Variants in SH3GL2 observed in about 807,000 individuals in gnomAD.
SH3GL2 encodes endophilin-A1.
SH3GL2 carries 24 observed loss-of-function variants against 46.0 expected under a neutral mutation model. The observed-to-expected ratio is 0.52, with a 90% CI of 0.38 to 0.73. SH3GL2 has a LOEUF of 0.73. Among genes scored for constraint, SH3GL2 ranks in the 30% least tolerant of loss-of-function variants. The pLI is 0.00. For missense variants in SH3GL2, 413 were observed against 424.2 expected, an observed-to-expected ratio of 0.97 and a Z score of 0.23; for synonymous variants, 196 against 147.1, an observed-to-expected ratio of 1.33 and a Z score of -2.40.
intron 1 of SH3GL2, among the ~76,000 whole-genome samples, chr9:17,718,278 C>T (rs1320471756): frequency 1.3e-5 from 2 of 152,078 alleles, no homozygotes; most frequent in Admixed American, 6.5e-5. Flanking sequence ...AACTTCTTAT[C>T]GTGATTTATC....
chr9:17,604,804 C>G (rs1340985930), intron 1 of SH3GL2, among the ~76,000 whole-genome samples: 1 of 152,066 alleles, frequency 6.6e-6, no homozygotes, highest in Admixed American at 6.6e-5. Context: ...TCAGCTCTGA[C>G]CTTGGGTTAG....
At chr9:17,746,166 GCT>G (rs1563837027) in intron 1 of SH3GL2, among the ~76,000 whole-genome samples, 7,003 of 152,032 alleles carry the variant, frequency 0.046, 497 homozygotes, top group African/African-American at 0.16. Context: ...GCTCCGCCCC[GCT>G]GTGTTCACAC....
At chr9:17,704,174 AC>A (rs1228670236) in intron 1 of SH3GL2, among the ~76,000 whole-genome samples, 1 of 151,356 alleles carries the variant, frequency 6.6e-6, no homozygotes, top group Non-Finnish European at 1.5e-5. Context: ...CAAACCAAGA[AC>A]ACACTCCCAT....
chr9:17,720,225 A>T (rs1419992175), intron 1 of SH3GL2, among the ~76,000 whole-genome samples: 1 of 152,156 alleles, frequency 6.6e-6, no homozygotes, highest in Non-Finnish European at 1.5e-5. Context: ...GCATCATCTT[A>T]TGCCTCTTTA....
intron 1 of SH3GL2, among the ~76,000 whole-genome samples, chr9:17,746,366 GC>G (rs781300062): frequency 4.3e-4 from 66 of 152,312 alleles, no homozygotes; most frequent in Middle Eastern, 6.8e-3. Flanking sequence ...GTGAGTCACT[GC>G]GCCCGGCCCT....
chr9:17,670,240 C>T (rs192757629), intron 1 of SH3GL2, among the ~76,000 whole-genome samples: 6 of 152,108 alleles, frequency 3.9e-5, no homozygotes, highest in Admixed American at 1.3e-4. Context: ...TGCTGGCATC[C>T]CCCAGTGCAA....
intron 1 of SH3GL2, among the ~76,000 whole-genome samples, chr9:17,704,443 T>C (rs992241018): frequency 1.3e-5 from 2 of 151,824 alleles, no homozygotes; most frequent in African/African-American, 4.8e-5. Context: ...AAAAAAAATA[T>C]TAGAACTCCT....
Position 17,765,986 on chromosome 9 carries a change from C to T in SH3GL2, c.187+4477C>T, listed in dbSNP as rs76897367. 4.5e-4 allele frequency among the ~76,000 whole-genome samples: 69 copies of T among 152,310 alleles called. No homozygotes were observed. In the East Asian group the frequency reaches 0.013, roughly 28 times the overall value. On this transcript the variant is annotated intron_variant, in intron 3 of 8. Transcript: ENST00000380607. ...TAGGAGGAAAAATTCTTCCTTTTCC[C>T]TAAATCATCAGATACTCATATGTAA...
At position 17,786,363 on chromosome 9, in the gene SH3GL2, T is replaced by A; in HGVS notation, c.188-18T>A. 5 of 1,598,116 alleles carry A rather than the reference T, an allele frequency of 3.1e-6. No homozygotes were observed. The highest frequency in any genetic ancestry group is 4.3e-6 in the Non-Finnish European group (5 of 1,173,960). On this transcript the variant is annotated intron_variant, in intron 3 of 8. Coordinates refer to ENST00000380607, the MANE Select transcript of SH3GL2 (RefSeq NM_003026.5). ...TCACATTGCCTACTCTGAAAGCTTG[T>A]TCTCTCTTCACCTTCAGCTTCCAGA...
In SH3GL2 at chr9:17,579,208, C is replaced by A. The variant is rs370079974; in HGVS notation, c.-35C>A. 6.6e-7 allele frequency: 1 copy of A among 1,515,256 alleles called. No homozygotes were observed. The highest frequency in any genetic ancestry group is 8.9e-7 in the Non-Finnish European group (1 of 1,127,844). 93.9% of individuals were successfully genotyped at this position (1,515,256 alleles called of 1,614,324 possible). The stretch of plus-strand genomic sequence containing the variant: ...TCCAGTCCCCCTCCGCCTCCTCCCT[C>A]CCGCACAGCAGCCGCCAGCGCGGCC... On this transcript the variant is annotated 5_prime_UTR_variant, in exon 1 of 9. Transcript: ENST00000380607.
At chr9:17,601,895 A>T (rs542286688) in intron 1 of SH3GL2, among the ~76,000 whole-genome samples, 44 of 152,298 alleles carry the variant, frequency 2.9e-4, no homozygotes, top group African/African-American at 8.9e-4. Flanking sequence ...AGTAATTACA[A>T]TTCTGGTAGT....
intron 1 of SH3GL2, among the ~76,000 whole-genome samples, chr9:17,723,857 A>G (rs908590582): frequency 2.0e-5 from 3 of 152,096 alleles, no homozygotes; most frequent in Non-Finnish European, 4.4e-5. Flanking sequence ...ATAAGAAGTC[A>G]TCTGTTCATC....
In SH3GL2 at chr9:17,791,943, C is replaced by T. The variant is rs534739899; in HGVS notation, c.728+609C>T. ...GGAAACTACCGTGTGAATGTGGCTCCGTGGAGTTGTGGGGCACAGCCTGTT... is the reference window on the plus strand; with the variant it reads ...GGAAACTACCGTGTGAATGTGGCTCTGTGGAGTTGTGGGGCACAGCCTGTT... On this transcript the variant is annotated intron_variant, in intron 7 of 8. Coordinates refer to ENST00000380607, the MANE Select transcript of SH3GL2 (RefSeq NM_003026.5). Among the ~76,000 whole-genome samples, 19 of 152,262 alleles carry T rather than the reference C, an allele frequency of 1.2e-4. No homozygotes were observed. The South Asian group carries it at 3.5e-3, about 28-fold the overall frequency.
chr9:17,743,600 A>ACACACACACACC lies in SH3GL2; in HGVS notation c.46-3465_46-3464insACACACACACCC, dbSNP rs1554645782. ...CACACACACACACACACACACACAC[A>ACACACACACACC]CCCCAAATAGTTAAAGCCAATGGAT... On this transcript the variant is annotated intron_variant, in intron 1 of 8. Coordinates refer to ENST00000380607, the MANE Select transcript of SH3GL2 (RefSeq NM_003026.5). Among the ~76,000 whole-genome samples the ACACACACACACC allele has an allele frequency of 1.9e-3, 281 of 146,268 alleles. 2 individuals carry two copies. Among genetic ancestry groups the ACACACACACACC allele is most frequent in the African/African-American group, 5.7e-3 (226 of 39,958 alleles).
chr9:17,675,567 G>A (rs58849962), intron 1 of SH3GL2, among the ~76,000 whole-genome samples: 19,567 of 152,244 alleles, frequency 0.13, 1,495 homozygotes, highest in Admixed American at 0.2. Context: ...GCTCTGCAAG[G>A]GAGGGGAGAG....
At chr9:17,603,872 G>T (rs1331368878) in intron 1 of SH3GL2, among the ~76,000 whole-genome samples, 4 of 152,002 alleles carry the variant, frequency 2.6e-5, no homozygotes, top group African/African-American at 9.7e-5. Flanking sequence ...TGTCAAAAAA[G>T]AAACAAACAA....
chr9:17,667,536 T>C (rs918460855), intron 1 of SH3GL2, among the ~76,000 whole-genome samples: 1 of 152,210 alleles, frequency 6.6e-6, no homozygotes, highest in Non-Finnish European at 1.5e-5. Flanking sequence ...AGAATAATAT[T>C]ATATGGATAT....
At chr9:17,591,900 G>A (rs1818489046) in intron 1 of SH3GL2, among the ~76,000 whole-genome samples, 1 of 152,194 alleles carries the variant, frequency 6.6e-6, no homozygotes, top group Admixed American at 6.5e-5. Flanking sequence ...GTATCATTCA[G>A]TTGTATCTTC....
At chr9:17,741,406 G>A (rs887665252) in intron 1 of SH3GL2, among the ~76,000 whole-genome samples, 3 of 152,152 alleles carry the variant, frequency 2.0e-5, no homozygotes, top group South Asian at 2.1e-4. Context: ...AATTGCAGTT[G>A]TAATGAAAGT....
Sources: allele counts gnomAD v4.1 joint callset (sites outside exome capture counted in the v4.1 genomes callset), GRCh38; gene constraint gnomAD v4.1.1; transcripts MANE v1.5; gene names NCBI Gene and HGNC (gene_info 2026-07-23, HGNC 2026-07-21).